The following TEAD1 variants were observed in gnomAD, a reference collection of about 807,000 sequenced individuals.
TEAD1 encodes the protein transcriptional enhancer factor TEF-1.
In TEAD1, 9 loss-of-function variants were observed where a neutral mutation model predicts 54.9. That is an observed-to-expected ratio of 0.16 (90% CI 0.10 to 0.29). The LOEUF is 0.29. TEAD1 is among the 10% of genes least tolerant of loss of function. The pLI is 1.00. For missense variants in TEAD1, 387 were observed against 535.9 expected (o/e 0.72, Z 2.74); for synonymous variants, 200 against 187.8 (o/e 1.07, Z -0.53).
intron 3 of TEAD1, among the ~76,000 whole-genome samples, chr11:12,780,770 G>A (rs1437018830): frequency 1.3e-5 from 2 of 152,152 alleles, no homozygotes; most frequent in Non-Finnish European, 2.9e-5. Flanking sequence ...TGCTAAGACA[G>A]CAGTACCTAC....
intron 3 of TEAD1, among the ~76,000 whole-genome samples, chr11:12,826,003 C>T (rs144437494): frequency 4.9e-4 from 74 of 152,288 alleles, no homozygotes; most frequent in African/African-American, 1.7e-3. Flanking sequence ...TTACCGCACA[C>T]GGTACATAGA....
At chr11:12,679,927 T>C (rs1381982742) in intron 2 of TEAD1, among the ~76,000 whole-genome samples, 1 of 152,230 alleles carries the variant, frequency 6.6e-6, no homozygotes, top group Non-Finnish European at 1.5e-5. Context: ...CAAGCATTTT[T>C]GTATAACCTG....
intron 10 of TEAD1, among the ~76,000 whole-genome samples, chr11:12,923,119 C>T (rs922132953): frequency 2.6e-5 from 4 of 151,898 alleles, no homozygotes; most frequent in African/African-American, 7.3e-5. Context: ...GAGTCTTCTC[C>T]GAGCCATGGT....
At chr11:12,932,949 C>G (rs1447324362) in intron 12 of TEAD1, among the ~76,000 whole-genome samples, 1 of 151,182 alleles carries the variant, frequency 6.6e-6, no homozygotes, top group African/African-American at 2.4e-5. Flanking sequence ...AAATACTTAC[C>G]ATTGTGTTGT....
intron 5 of TEAD1, among the ~76,000 whole-genome samples, chr11:12,875,943 TAAAG>T (rs929294856): frequency 2.0e-5 from 3 of 152,196 alleles, no homozygotes; most frequent in Non-Finnish European, 2.9e-5. Context: ...ATTTTATAAA[TAAAG>T]AAACTTCGAA....
chr11:12,809,152 C>G (rs1946238633), intron 3 of TEAD1, among the ~76,000 whole-genome samples: 1 of 152,182 alleles, frequency 6.6e-6, no homozygotes, highest in African/African-American at 2.4e-5. Flanking sequence ...CAAGTGTGAA[C>G]ATGTCTGCAG....
rs1250788158 is a variant in TEAD1 at position 12,804,055 on chromosome 11, C to G, written c.202+39621C>G. 2.0e-5 allele frequency among the ~76,000 whole-genome samples: 3 copies of G among 152,170 alleles called. No individual in the cohort carries two copies. In the East Asian group the frequency reaches 5.8e-4, roughly 29 times the overall value. ...TCTCAGGAAATCATGAAGCTTAGGTCCAGTGATAAAATAGTAGAATTTAAT... is the reference window on the plus strand; with the variant it reads ...TCTCAGGAAATCATGAAGCTTAGGTGCAGTGATAAAATAGTAGAATTTAAT... On this transcript the variant is annotated intron_variant, in intron 3 of 12. Transcript: ENST00000527636.
chr11:12,839,366 G>A (rs116332443), intron 3 of TEAD1, among the ~76,000 whole-genome samples: 1,587 of 152,270 alleles, frequency 0.01, 26 homozygotes, highest in African/African-American at 0.036. Context: ...AGTCAAGAGC[G>A]TGACACTGTA....
chr11:12,787,229 G>C (rs1041503464), intron 3 of TEAD1, among the ~76,000 whole-genome samples: 1 of 152,194 alleles, frequency 6.6e-6, no homozygotes, highest in South Asian at 2.1e-4. Context: ...TGGAATAAAA[G>C]GGCATGCCAC....
At chr11:12,706,664 G>C (rs1943822136) in intron 2 of TEAD1, among the ~76,000 whole-genome samples, 1 of 152,186 alleles carries the variant, frequency 6.6e-6, no homozygotes, top group African/African-American at 2.4e-5. Flanking sequence ...TGGTTGAATT[G>C]GAAACTTGTC....
At chr11:12,744,889 C>T (rs111951958) in intron 2 of TEAD1, among the ~76,000 whole-genome samples, 2 of 152,236 alleles carry the variant, frequency 1.3e-5, no homozygotes, top group Non-Finnish European at 2.9e-5. Flanking sequence ...TTCCAGACTG[C>T]ACGGGTTCTG....
intron 2 of TEAD1, among the ~76,000 whole-genome samples, chr11:12,736,538 T>C (rs1299410324): frequency 6.6e-6 from 1 of 152,228 alleles, no homozygotes; most frequent in African/African-American, 2.4e-5. Flanking sequence ...TGATTGTCTT[T>C]AAATCTAAAA....
At chr11:12,781,951 C>CAAAAAAAAAAA (rs71454001) in intron 3 of TEAD1, among the ~76,000 whole-genome samples, 1 of 65,262 alleles carries the variant, frequency 1.5e-5, no homozygotes, top group African/African-American at 8.1e-5. Flanking sequence ...CTCGTCTGTA[C>CAAAAAAAAAAA]AAAAAAAAAA....
intron 3 of TEAD1, among the ~76,000 whole-genome samples, chr11:12,797,214 T>C (rs1945950403): frequency 6.6e-6 from 1 of 152,232 alleles, no homozygotes; most frequent in South Asian, 2.1e-4. Context: ...TTCTTCAACA[T>C]AGACTTGAAG....
At chr11:12,713,349 C>T (rs192964120) in intron 2 of TEAD1, among the ~76,000 whole-genome samples, 72 of 152,320 alleles carry the variant, frequency 4.7e-4, no homozygotes, top group Non-Finnish European at 9.6e-4. Context: ...TGAGGCTCCT[C>T]AAACCCGTGC....
intron 3 of TEAD1, among the ~76,000 whole-genome samples, chr11:12,791,226 A>G (rs1056879320): frequency 6.6e-6 from 1 of 152,228 alleles, no homozygotes; most frequent in African/African-American, 2.4e-5. Context: ...TATAACTTCC[A>G]GATAACAGCC....
intron 2 of TEAD1, among the ~76,000 whole-genome samples, chr11:12,690,220 C>A (rs554927083): frequency 7.2e-6 from 1 of 138,822 alleles, no homozygotes; most frequent in Non-Finnish European, 1.5e-5. Flanking sequence ...CCAACCTGGG[C>A]GACAGAGTGA....
At chr11:12,793,469 G>T (rs1945848737) in intron 3 of TEAD1, among the ~76,000 whole-genome samples, 1 of 151,994 alleles carries the variant, frequency 6.6e-6, no homozygotes, top group African/African-American at 2.4e-5. Context: ...TTTATTTCTG[G>T]TAACAGCTGA....
intron 3 of TEAD1, among the ~76,000 whole-genome samples, chr11:12,785,720 A>G (rs1197156260): frequency 7.2e-5 from 11 of 152,170 alleles, no homozygotes; most frequent in Admixed American, 6.5e-4. Context: ...GGATCTTGGT[A>G]TCTAGAGGTT....
Sources: allele counts gnomAD v4.1 joint callset (sites outside exome capture counted in the v4.1 genomes callset), GRCh38; gene constraint gnomAD v4.1.1; transcripts MANE v1.5; gene names NCBI Gene and HGNC (gene_info 2026-07-23, HGNC 2026-07-21).